MYOF: variants seen among roughly 807,000 people sequenced by gnomAD.
MYOF encodes fer-1-like 3, myoferlin.
Under a neutral mutation model 284.2 loss-of-function variants are expected in MYOF, and 244 were observed. That is an observed-to-expected ratio of 0.86 (90% CI 0.77 to 0.95). The LOEUF is 0.95. MYOF is among the 40% of genes least tolerant of loss of function. The pLI, the probability that MYOF is intolerant of heterozygous loss-of-function variation, is 0.00. For missense variants in MYOF, 2,496 were observed against 2,560.6 expected (o/e 0.97, Z 0.54); for synonymous variants, 904 against 919.7 (o/e 0.98, Z 0.31).
chr10:93,478,825 CAAAAAAA>C lies in MYOF; in HGVS notation c.88+3275_88+3281del, dbSNP rs796689657. 1.9e-4 allele frequency among the ~76,000 whole-genome samples: 20 copies of C among 103,652 alleles called. 1 individual carries two copies. In the East Asian group the frequency reaches 2.6e-3, roughly 14 times the overall value. The allele number at this position is 103,652 out of a possible 152,430, so 68.0% of individuals were successfully genotyped here. On this transcript the variant is annotated intron_variant, in intron 1 of 53. Coordinates refer to ENST00000359263, the MANE Select transcript of MYOF (RefSeq NM_013451.4). ...CCTGGATGGCAGGGTGAAACAGTCT[CAAAAAAA>C]AAAAAAAAAAAGAAAGAAAGAAAGA... is the stretch of plus-strand genomic sequence containing the variant.
At chr10:93,402,666 CATT>C (rs1189408292) in intron 10 of MYOF, among the ~76,000 whole-genome samples, 191 bp downstream of exon 10, 2 of 152,118 alleles carry the variant, frequency 1.3e-5, no homozygotes, top group African/African-American at 4.8e-5. Context: ...AAAAATTAGA[CATT>C]TTTTCTAAGC....
At chr10:93,308,908 C>T (rs1022720163) in intron 53 of MYOF, among the ~76,000 whole-genome samples, 11 of 152,094 alleles carry the variant, frequency 7.2e-5, no homozygotes, top group East Asian at 3.9e-4. Context: ...GACGGGGTTT[C>T]GCTATGTTGG....
At chr10:93,323,696 C>A in intron 46 of MYOF, 1 of 298,668 alleles carries the variant, frequency 3.3e-6, no homozygotes, top group East Asian at 6.3e-5. Context: ...GGCACACGCA[C>A]GTGCACACAC....
intron 1 of MYOF, among the ~76,000 whole-genome samples, chr10:93,462,090 C>A (rs1236177979): frequency 8.3e-5 from 5 of 60,262 alleles, no homozygotes; most frequent in Non-Finnish European, 1.8e-4. Context: ...TGCTAAGCCC[C>A]CCACCTTTTT....
chr10:93,396,243 T>C lies in MYOF; in HGVS notation c.1335-19A>G, dbSNP rs966049466. 3 of 1,512,252 alleles carry C rather than the reference T, an allele frequency of 2.0e-6. No individual in the cohort carries two copies. Among genetic ancestry groups the C allele is most frequent in the South Asian group, 1.3e-5 (1 of 79,920 alleles). The allele number at this position is 1,512,252 out of a possible 1,614,324, so 93.7% of individuals were successfully genotyped here. A position where few individuals can be genotyped will look rare whatever the true frequency, so the allele number is the denominator to read the frequency against. ...ACGGTCCCTGTGTAAAAAATAAAAA[T>C]AAAAAAATAAAAAATAAAAGGTTCA... On this transcript the variant is annotated intron_variant, in intron 15 of 53. Coordinates refer to ENST00000359263, the MANE Select transcript of MYOF (RefSeq NM_013451.4).
intron 3 of MYOF, among the ~76,000 whole-genome samples, chr10:93,448,443 G>A (rs180848968): frequency 2.0e-4 from 30 of 152,080 alleles, no homozygotes; most frequent in Admixed American, 1.2e-3. Flanking sequence ...CATGGTACCC[G>A]ACATATTATG....
intron 3 of MYOF, among the ~76,000 whole-genome samples, chr10:93,445,309 T>C (rs187758848): frequency 1.9e-4 from 29 of 152,178 alleles, no homozygotes; most frequent in Middle Eastern, 3.4e-3. Context: ...ATAGGACCCA[T>C]CATATGAGGT....
At chr10:93,446,567 TAA>T (rs2056435376) in intron 3 of MYOF, among the ~76,000 whole-genome samples, 1 of 150,876 alleles carries the variant, frequency 6.6e-6, no homozygotes, top group Admixed American at 6.6e-5. Flanking sequence ...CCAGGAAACT[TAA>T]AGACACTGGG....
intron 53 of MYOF, among the ~76,000 whole-genome samples, 195 bp from the exon 54 acceptor site, chr10:93,307,196 GC>G (rs983221006): frequency 2.2e-4 from 24 of 107,220 alleles, no homozygotes; most frequent in Non-Finnish European, 2.0e-4. Context: ...GCACCCCCCC[GC>G]CAAGTTGTTG....
chr10:93,452,541 A>G (rs2056621127), intron 2 of MYOF, among the ~76,000 whole-genome samples: 1 of 119,696 alleles, frequency 8.4e-6, no homozygotes, highest in African/African-American at 3.3e-5. Flanking sequence ...AACATCACAC[A>G]CTGGGGCCCG....
intron 50 of MYOF, 117 bp downstream of exon 50, chr10:93,316,596 AC>A: frequency 1.1e-6 from 1 of 886,904 alleles, no homozygotes; most frequent in South Asian, 1.6e-5. Context: ...CTGTCCCCCC[AC>A]CAGGCCCCCA....
At chr10:93,467,489 G>A (rs1032940372) in intron 1 of MYOF, among the ~76,000 whole-genome samples, 4 of 152,086 alleles carry the variant, frequency 2.6e-5, no homozygotes, top group African/African-American at 9.7e-5. Flanking sequence ...TGCTGGAGAG[G>A]ATGTGGAGAA....
At chr10:93,390,408 G>C (rs754661436) in intron 17 of MYOF, among the ~76,000 whole-genome samples, 4 of 152,122 alleles carry the variant, frequency 2.6e-5, no homozygotes. Context: ...AGAAAATTAA[G>C]ATGTACAAAA....
intron 3 of MYOF, among the ~76,000 whole-genome samples, chr10:93,450,370 C>A (rs889012415): frequency 6.7e-6 from 1 of 150,298 alleles, no homozygotes; most frequent in Admixed American, 6.6e-5. Flanking sequence ...CCAGCCTGGG[C>A]GACAGAGCAA....
At chr10:93,472,342 A>G (rs1041668697) in intron 1 of MYOF, among the ~76,000 whole-genome samples, 3 of 152,214 alleles carry the variant, frequency 2.0e-5, no homozygotes, top group Admixed American at 1.3e-4. Context: ...TGCAGGATCT[A>G]TGGAGAACAG....
chr10:93,439,694 A>T (rs2056186115), intron 3 of MYOF, among the ~76,000 whole-genome samples: 1 of 152,246 alleles, frequency 6.6e-6, no homozygotes, highest in Non-Finnish European at 1.5e-5. Flanking sequence ...TGCAGGGATT[A>T]AAAGGATGAT....
Position 93,404,641 on chromosome 10 carries a change from C to CAAAAAAAA in MYOF, c.730-430_730-423dup, listed in dbSNP as rs34398757. Among the ~76,000 whole-genome samples, 2 of 60,912 alleles carry CAAAAAAAA rather than the reference C, an allele frequency of 3.3e-5. 1 individual carries two copies. Among genetic ancestry groups the CAAAAAAAA allele is most frequent in the African/African-American group, 9.5e-5 (2 of 21,026 alleles). The allele number at this position is 60,912 out of a possible 152,430, so 40.0% of individuals were successfully genotyped here. On this transcript the variant is annotated intron_variant, in intron 7 of 53. Transcript: ENST00000359263. ...AGGACAATATAGTGAGAGGCCATCTCAAAAAAAAAAAAAAAAAAAAAGGGA... is the reference window on the plus strand; with the variant it reads ...AGGACAATATAGTGAGAGGCCATCTCAAAAAAAAAAAAAAAAAAAAAAAAAAAAAGGGA...
rs145404180 is a variant in MYOF at position 93,413,169 on chromosome 10, C to G, written c.434-3430G>C. On this transcript the variant is annotated intron_variant, in intron 5 of 53. Transcript: ENST00000359263. Reference sequence around the variant, plus strand: ...CCCCTTTGCAATGCTGGACTCTGGACAAGTACTTATTACATTCTCAGTGGA... The same window carrying G: ...CCCCTTTGCAATGCTGGACTCTGGAGAAGTACTTATTACATTCTCAGTGGA... Among the ~76,000 whole-genome samples, 10 of 152,250 alleles carry G rather than the reference C, an allele frequency of 6.6e-5. No individual in the cohort carries two copies. The East Asian group carries it at 1.7e-3, about 26-fold the overall frequency.
At chr10:93,337,269 A>G (rs904595181) in intron 40 of MYOF, among the ~76,000 whole-genome samples, 62 of 151,834 alleles carry the variant, frequency 4.1e-4, no homozygotes, top group African/African-American at 1.4e-3. Flanking sequence ...CAGGCTGAAA[A>G]TTGAATGAAG....
Sources: gnomAD v4.1 joint callset for allele counts (sites outside exome capture counted in the v4.1 genomes callset) on GRCh38, gnomAD v4.1.1 for gene constraint, MANE v1.5 for transcripts, NCBI Gene and HGNC (gene_info 2026-07-23, HGNC 2026-07-21) for gene names.